GFPT1: variants seen among roughly 807,000 people sequenced by gnomAD.
GFPT1 encodes the protein glutamine--fructose-6-phosphate transaminase 1, also known as glutamine--fructose-6-phosphate aminotransferase [isomerizing] 1.
In GFPT1, 40 loss-of-function variants were observed where a neutral mutation model predicts 92.0. The ratio of observed to expected loss-of-function variants is 0.43; its 90% CI spans 0.34 to 0.57. The LOEUF (loss-of-function observed/expected upper bound fraction) is 0.57, where lower values mean the gene tolerates loss of function less well. GFPT1 is among the 20% of genes least tolerant of loss of function. The pLI is 0.02. For synonymous variants in GFPT1, 269 were observed against 280.6 expected (o/e 0.96, Z 0.41); for missense variants, 448 against 869.1 (o/e 0.52, Z 6.09).
At chr2:69,356,118 C>T (rs991079284) in intron 7 of GFPT1, among the ~76,000 whole-genome samples, 13 of 151,208 alleles carry the variant, frequency 8.6e-5, no homozygotes, top group Admixed American at 6.6e-4. Flanking sequence ...CTCAGCCTCC[C>T]GAGTAGCTGG....
intron 1 of GFPT1, among the ~76,000 whole-genome samples, chr2:69,375,688 G>A (rs1370282621): frequency 6.6e-6 from 1 of 151,940 alleles, no homozygotes; most frequent in Non-Finnish European, 1.5e-5. Context: ...TTCCTGTAAT[G>A]TACAGTCATC....
At chr2:69,328,608 T>C (rs1398751843) in intron 17 of GFPT1, among the ~76,000 whole-genome samples, 170 bp from the exon 18 acceptor site, 1 of 152,168 alleles carries the variant, frequency 6.6e-6, no homozygotes, top group Non-Finnish European at 1.5e-5. Flanking sequence ...ACTATTTCTA[T>C]ATTATCAACA....
At chr2:69,379,397 T>C (rs897788388) in intron 1 of GFPT1, among the ~76,000 whole-genome samples, 3 of 152,200 alleles carry the variant, frequency 2.0e-5, no homozygotes, top group African/African-American at 7.2e-5. Flanking sequence ...TGCATGCCTG[T>C]AGTCCCAGAT....
chr2:69,346,869 A>C (rs1464199738), intron 11 of GFPT1, among the ~76,000 whole-genome samples: 1 of 151,932 alleles, frequency 6.6e-6, no homozygotes, highest in Non-Finnish European at 1.5e-5. Context: ...AGCTGAGACT[A>C]CAGGCACACA....
At chr2:69,356,801 G>C (rs186755099) in intron 6 of GFPT1, among the ~76,000 whole-genome samples, 1 of 150,228 alleles carries the variant, frequency 6.7e-6, no homozygotes, top group African/African-American at 2.5e-5. Flanking sequence ...GCAGTGGCAC[G>C]ATCTCGGCTC....
intron 18 of GFPT1, among the ~76,000 whole-genome samples, chr2:69,327,942 A>G (rs990311760): frequency 7.2e-5 from 11 of 151,780 alleles, no homozygotes; most frequent in African/African-American, 2.7e-4. Context: ...TCTACCAAAA[A>G]TACAAAATTA....
At chr2:69,370,461 AAAG>A (rs1671719133) in intron 2 of GFPT1, among the ~76,000 whole-genome samples, 1 of 152,238 alleles carries the variant, frequency 6.6e-6, no homozygotes, top group South Asian at 2.1e-4. Flanking sequence ...GTAGCTAAGG[AAAG>A]AAGGTCACAG....
At chr2:69,352,126 G>C (rs993728271) in intron 9 of GFPT1, among the ~76,000 whole-genome samples, 5 of 151,918 alleles carry the variant, frequency 3.3e-5, no homozygotes, top group African/African-American at 1.2e-4. Context: ...AGCTGAGAGT[G>C]GTAGAGTACA....
chr2:69,364,398 T>C (rs1292621181), intron 3 of GFPT1, among the ~76,000 whole-genome samples: 16 of 152,300 alleles, frequency 1.1e-4, no homozygotes, highest in South Asian at 8.3e-4. Context: ...TTCCTGGAGA[T>C]ACAAATACTC....
intron 6 of GFPT1, among the ~76,000 whole-genome samples, chr2:69,356,888 C>T (rs540793884): frequency 2.6e-5 from 4 of 152,008 alleles, no homozygotes; most frequent in Non-Finnish European, 5.9e-5. Flanking sequence ...CAGGCACGCA[C>T]CCCCACGCTA....
intron 3 of GFPT1, 76 bp from the exon 4 acceptor site, chr2:69,363,746 A>C (rs754970573): frequency 1.4e-5 from 13 of 961,740 alleles, no homozygotes; most frequent in Non-Finnish European, 2.2e-5. Flanking sequence ...ATTTAAATAC[A>C]ATTATTACAA....
chr2:69,381,572 T>TA (rs1416168643), intron 1 of GFPT1, among the ~76,000 whole-genome samples: 3 of 150,858 alleles, frequency 2.0e-5, no homozygotes, highest in African/African-American at 7.3e-5. Context: ...TTTTTTTTTT[T>TA]AACAGTCCTG....
Position 69,328,295 on chromosome 2 carries a change from A to G in GFPT1, c.1869T>C (p.Ala623=), listed in dbSNP as rs764520856. ...RDHTYAKCQN[A]LQQVVARQGR... The stretch of plus-strand genomic sequence containing the variant: ...CCTGCCGAGCAACCACTTGCTGAAG[A>G]GCATTCTGACACTTGGCATAAGTGT... Residue 623 remains alanine, a synonymous_variant, in exon 18 of 20, where the codon GCT becomes GCC. Coordinates refer to ENST00000357308, the MANE Select transcript of GFPT1 (RefSeq NM_001244710.2). The G allele has an allele frequency of 5.0e-6, 8 of 1,613,848 alleles. No homozygotes were observed. The East Asian group carries it at 6.7e-5, about 13-fold the overall frequency.
intron 13 of GFPT1, 39 bp downstream of exon 13, chr2:69,342,113 C>G (rs1368962067): frequency 1.9e-6 from 2 of 1,079,762 alleles, no homozygotes; most frequent in Non-Finnish European, 2.8e-6. Context: ...CAGATATTCT[C>G]TAATATTCAA....
intron 3 of GFPT1, among the ~76,000 whole-genome samples, chr2:69,365,781 T>G (rs978032331): frequency 5.9e-5 from 9 of 152,238 alleles, no homozygotes; most frequent in Middle Eastern, 3.4e-3. Flanking sequence ...AACAGGCCAA[T>G]GCAAGAAATG....
At chr2:69,384,790 AAAG>A (rs1372820542) in intron 1 of GFPT1, among the ~76,000 whole-genome samples, 1 of 149,832 alleles carries the variant, frequency 6.7e-6, no homozygotes, top group East Asian at 1.9e-4. Context: ...AGAAAGAAAG[AAAG>A]AAAAGAAAAG....
intron 1 of GFPT1, among the ~76,000 whole-genome samples, chr2:69,383,588 T>C (rs1375875993): frequency 1.3e-5 from 2 of 152,136 alleles, no homozygotes; most frequent in Admixed American, 6.5e-5. Context: ...AAGGATCTCA[T>C]TTGCAAACAT....
chr2:69,328,545 A>G, intron 17 of GFPT1, 107 bp from the exon 18 acceptor site: 2 of 753,114 alleles, frequency 2.7e-6, no homozygotes, highest in Non-Finnish European at 4.6e-6. Context: ...CTATCTATCC[A>G]AAAGTATTAA....
At chr2:69,355,704 TCTC>T (rs989911267) in intron 7 of GFPT1, among the ~76,000 whole-genome samples, 5 of 152,158 alleles carry the variant, frequency 3.3e-5, no homozygotes, top group African/African-American at 1.2e-4. Context: ...TGTAGCACCT[TCTC>T]CTTAGTCACC....
Sources: allele counts gnomAD v4.1 joint callset (sites outside exome capture counted in the v4.1 genomes callset), GRCh38; gene constraint gnomAD v4.1.1; transcripts MANE v1.5; gene names NCBI Gene and HGNC (gene_info 2026-07-23, HGNC 2026-07-21).